PTGFRN: variants seen among roughly 807,000 people sequenced by gnomAD.
PTGFRN encodes prostaglandin F2 receptor inhibitor, also known as prostaglandin F2 receptor negative regulator.
Under a neutral mutation model 83.2 loss-of-function variants are expected in PTGFRN, and 35 were observed. The ratio of observed to expected loss-of-function variants is 0.42; its 90% CI spans 0.32 to 0.56. The LOEUF is 0.56. Ranked by LOEUF, PTGFRN falls within the 20% of genes least tolerant of loss-of-function variation. The pLI is 0.11. For missense variants in PTGFRN, 1,051 were observed against 1,179.5 expected (o/e 0.89, Z 1.60); for synonymous variants, 519 against 498.6 (o/e 1.04, Z -0.55).
rs1165584250 is a variant in PTGFRN at position 116,974,333 on chromosome 1, T to C, written c.2167+10T>C. The C allele has an allele frequency of 6.4e-7, 1 of 1,562,942 alleles. No homozygotes were observed. The highest frequency in any genetic ancestry group is 1.1e-5 in the South Asian group (1 of 89,780). ...GCAGCACTGGATCCAGGTACCTCAC[T>C]CCATCCTCACCCCTTCACCATGTTG... On this transcript the variant is annotated intron_variant, in intron 7 of 8. Coordinates refer to ENST00000393203, the MANE Select transcript of PTGFRN (RefSeq NM_020440.4).
chr1:116,949,302 T>A lies in PTGFRN; in HGVS notation c.943T>A (p.Trp315Arg). ...CGATGACGTCCGGCCCGAGGTGACG[T>A]GGTCCTTCAGCAGGATGCCTGACAG... is the stretch of plus-strand genomic sequence containing the variant. ...RADDVRPEVT[W>R]SFSRMPDSTL... Residue 315 changes from tryptophan to arginine, a missense_variant, in exon 4 of 9, where the codon TGG (tryptophan) becomes AGG (arginine). Trp to Arg is a moderately radical substitution (Grantham distance 101). Around this residue, in one of 3 missense-constraint regions of PTGFRN, gnomAD observed 719 missense variants for 836.6 expected, o/e 0.86. Transcript: ENST00000393203. The A allele has an allele frequency of 2.5e-6, 4 of 1,614,272 alleles. No homozygotes were observed. Among genetic ancestry groups the A allele is most frequent in the Non-Finnish European group, 3.4e-6 (4 of 1,180,046 alleles).
chr1:116,934,950 A>G (rs2246315), intron 1 of PTGFRN, among the ~76,000 whole-genome samples: 121,470 of 152,218 alleles, frequency 0.8, 48,687 homozygotes, highest in East Asian at 0.95. Flanking sequence ...CCCTTCCAGG[A>G]TTGTAACTGA....
chr1:116,910,180 G>A lies in PTGFRN; in HGVS notation c.-24G>A, dbSNP rs1405108135. On this transcript the variant is annotated 5_prime_UTR_variant, in exon 1 of 9. Transcript: ENST00000393203. ...GGCGGCGGGGAAGGAGGAGGAGGGGGAGAGTCGCTCCCGCCGGGCGAGCAT... is the reference window on the plus strand; with the variant it reads ...GGCGGCGGGGAAGGAGGAGGAGGGGAAGAGTCGCTCCCGCCGGGCGAGCAT... The A allele has an allele frequency of 1.3e-6, 2 of 1,502,874 alleles. No homozygotes were observed. Among genetic ancestry groups the A allele is most frequent in the Non-Finnish European group, 1.8e-6 (2 of 1,132,106 alleles). The allele number at this position is 1,502,874 out of a possible 1,614,324, so 93.1% of individuals were successfully genotyped here.
At chr1:116,936,674 G>A (rs944598870) in intron 1 of PTGFRN, among the ~76,000 whole-genome samples, 1 of 152,208 alleles carries the variant, frequency 6.6e-6, no homozygotes, top group Non-Finnish European at 1.5e-5. Flanking sequence ...TCCAGAAAGT[G>A]AAGAGATGTT....
rs1322838536 is a variant in PTGFRN at position 116,918,097 on chromosome 1, G to A, written c.49+7845G>A. On this transcript the variant is annotated intron_variant, in intron 1 of 8. Transcript: ENST00000393203. This position sits in a 1 kb window ranked among gnomAD's most constrained non-coding sequence, Gnocchi z 4.1. ...ATCCATCTTTCTCTTATTCACATTA[G>A]CTAAGAAGATTTTAATAGTTTGTAT... Among the ~76,000 whole-genome samples, 1 of 152,138 alleles carries A rather than the reference G, an allele frequency of 6.6e-6. No individual in the cohort carries two copies. Among genetic ancestry groups the A allele is most frequent in the Non-Finnish European group, 1.5e-5 (1 of 68,038 alleles).
At chr1:116,927,793 C>T (rs1240007579) in intron 1 of PTGFRN, among the ~76,000 whole-genome samples, 1 of 152,036 alleles carries the variant, frequency 6.6e-6, no homozygotes, top group Non-Finnish European at 1.5e-5. Flanking sequence ...CTTCAGCCTT[C>T]CAAAGTGCTG....
chr1:116,948,817 C>T (rs1218626406), intron 3 of PTGFRN, among the ~76,000 whole-genome samples: 1 of 152,238 alleles, frequency 6.6e-6, no homozygotes, highest in Non-Finnish European at 1.5e-5. Flanking sequence ...GATTCCATCT[C>T]TGCCACCTAT....
chr1:116,925,658 T>G (rs942597232), intron 1 of PTGFRN, among the ~76,000 whole-genome samples: 1 of 152,214 alleles, frequency 6.6e-6, no homozygotes, highest in Admixed American at 6.5e-5. Context: ...CTGCCTTCCC[T>G]AAAAAGCTGG....
At chr1:116,910,629 C>T (rs1649244062) in intron 1 of PTGFRN, among the ~76,000 whole-genome samples, 1 of 151,998 alleles carries the variant, frequency 6.6e-6, no homozygotes, top group Non-Finnish European at 1.5e-5. Flanking sequence ...CGGCCCGGGT[C>T]CTCGGCTCGA....
At chr1:116,922,467 C>T (rs564768769) in intron 1 of PTGFRN, among the ~76,000 whole-genome samples, 6 of 152,100 alleles carry the variant, frequency 3.9e-5, no homozygotes, top group Non-Finnish European at 5.9e-5. Context: ...CAAGTTTCAG[C>T]GGAAACAGTA....
chr1:116,976,407 A>C (rs992362490), intron 7 of PTGFRN, among the ~76,000 whole-genome samples: 3 of 152,196 alleles, frequency 2.0e-5, no homozygotes, highest in African/African-American at 7.2e-5. Flanking sequence ...GAGGAACTCC[A>C]AGACACAAAA....
chr1:116,920,462 T>C (rs1360939898), intron 1 of PTGFRN, among the ~76,000 whole-genome samples: 1 of 152,198 alleles, frequency 6.6e-6, no homozygotes, highest in Admixed American at 6.5e-5. Context: ...GACTTGTGTC[T>C]TCTCCCTTCA....
chr1:116,946,697 C>T (rs1248061368), intron 3 of PTGFRN, among the ~76,000 whole-genome samples: 3 of 152,140 alleles, frequency 2.0e-5, no homozygotes, highest in Non-Finnish European at 4.4e-5. Context: ...TTTTCGACAG[C>T]CTTTTGAAAC....
intron 3 of PTGFRN, 66 bp from the exon 4 acceptor site, chr1:116,949,126 A>C: frequency 6.6e-7 from 1 of 1,505,874 alleles, no homozygotes. Context: ...TGCTTTAAAG[A>C]GGGTGGAGAA....
chr1:116,917,953 C>G (rs558815645), intron 1 of PTGFRN, among the ~76,000 whole-genome samples: 4 of 152,314 alleles, frequency 2.6e-5, no homozygotes, highest in Admixed American at 2.0e-4. Context: ...AAAGTTTCCT[C>G]TGTGTCCCTC....
At position 116,923,094 on chromosome 1, in the gene PTGFRN, T is replaced by C. The variant is rs532575584; in HGVS notation, c.49+12842T>C. Among the ~76,000 whole-genome samples the C allele has an allele frequency of 6.6e-5, 10 of 152,318 alleles. No individual in the cohort carries two copies. The South Asian group carries it at 2.1e-3, about 32-fold the overall frequency. ...CCATCGGTTTGTGATGATCTGTTTA[T>C]TAGGATGAGCATTTGTGTGTCTCAC... On this transcript the variant is annotated intron_variant, in intron 1 of 8. Coordinates refer to ENST00000393203, the MANE Select transcript of PTGFRN (RefSeq NM_020440.4). The surrounding 1 kb of genome is among the most constrained non-coding windows in gnomAD (Gnocchi z 4.0).
In PTGFRN at chr1:116,941,210, G is replaced by C. The variant is rs1482949302; in HGVS notation, c.50-505G>C. ...TTATAGGCAATGTCAGATAACAGGAGTTAAATCATTTTATCAGCAGGCTGC... is the reference window on the plus strand; with the variant it reads ...TTATAGGCAATGTCAGATAACAGGACTTAAATCATTTTATCAGCAGGCTGC... On this transcript the variant is annotated intron_variant, in intron 1 of 8. Transcript: ENST00000393203. This position sits in a 1 kb window ranked among gnomAD's most constrained non-coding sequence, Gnocchi z 5.0. 2.0e-5 allele frequency among the ~76,000 whole-genome samples: 3 copies of C among 152,218 alleles called. No individual in the cohort carries two copies. The highest frequency in any genetic ancestry group is 4.4e-5 in the Non-Finnish European group (3 of 68,034).
At chr1:116,932,358 G>A (rs2998185) in intron 1 of PTGFRN, among the ~76,000 whole-genome samples, 22,367 of 152,114 alleles carry the variant, frequency 0.15, 2,870 homozygotes, top group African/African-American at 0.35. Context: ...GAAGAAAGTC[G>A]AAGGCATTTA....
chr1:116,937,465 A>T (rs745921276), intron 1 of PTGFRN, among the ~76,000 whole-genome samples: 76 of 152,360 alleles, frequency 5.0e-4, no homozygotes, highest in Non-Finnish European at 8.1e-4. Context: ...GGCCAGGGTG[A>T]CAGCACTGGG....
Sources: allele counts gnomAD v4.1 joint callset (sites outside exome capture counted in the v4.1 genomes callset), GRCh38; gene constraint gnomAD v4.1.1; regional missense constraint gnomAD v4.1.1; non-coding constraint Gnocchi (gnomAD v3.1); transcripts MANE v1.5; gene names NCBI Gene and HGNC (gene_info 2026-07-23, HGNC 2026-07-21).